Variants in DGKQ observed in about 807,000 individuals in gnomAD.
DGKQ encodes DAG kinase theta.
Under a neutral mutation model 104.2 loss-of-function variants are expected in DGKQ, and 97 were observed. The observed-to-expected ratio is 0.93, with a 90% CI of 0.79 to 1.10. DGKQ has a LOEUF of 1.10. DGKQ is among the 50% of genes least tolerant of loss of function. The pLI, the probability that DGKQ is intolerant of heterozygous loss-of-function variation, is 0.00. For missense variants in DGKQ, 1,465 were observed against 1,352.1 expected, an observed-to-expected ratio of 1.08 and a Z score of -1.31; for synonymous variants, 736 against 595.2, an observed-to-expected ratio of 1.24 and a Z score of -3.44.
Position 966,495 on chromosome 4 carries a change from G to A in DGKQ, c.1399C>T (p.Leu467=), listed in dbSNP as rs558515092. The A allele has an allele frequency of 2.5e-6, 4 of 1,612,620 alleles. No homozygotes were observed. Among genetic ancestry groups the A allele is most frequent in the African/African-American group, 1.3e-5 (1 of 75,070 alleles). The change falls in exon 12 of 23, where the codon CTG becomes TTG. Residue 467 remains leucine, a synonymous_variant. Transcript: ENST00000273814. ...QRTMLMDEQP[L]LDRLQDIRQM... ...CGGATGTCCTGTAGCCGGTCCAGCAGGGGCTGTTCGTCCATCAGCATCGTC... is the reference window on the plus strand; with the variant it reads ...CGGATGTCCTGTAGCCGGTCCAGCAAGGGCTGTTCGTCCATCAGCATCGTC...
chr4:971,179 AC>A lies in DGKQ; in HGVS notation c.272-108del. On this transcript the variant is annotated intron_variant, in intron 1 of 22. Coordinates refer to ENST00000273814, the MANE Select transcript of DGKQ (RefSeq NM_001347.4). This position sits in a 1 kb window ranked among gnomAD's most constrained non-coding sequence, Gnocchi z 4.0. ...ATGACTGCCATACCCACCATGCTGC[AC>A]CAGGGGCCCTGTGGTCCTCGAGTTC... 2.5e-6 allele frequency: 2 copies of A among 790,314 alleles called. No individual in the cohort carries two copies. Among genetic ancestry groups the A allele is most frequent in the Non-Finnish European group, 4.2e-6 (2 of 478,462 alleles). The allele number at this position is 790,314 out of a possible 1,614,324, so 49.0% of individuals were successfully genotyped here.
In DGKQ at chr4:968,886, G is replaced by A. The variant is rs930328399; in HGVS notation, c.376C>T (p.Pro126Ser). Residue 126 changes from proline (P) to serine (S), a missense_variant, in exon 3 of 23, where the codon CCC (proline) becomes TCC (serine). Pro to Ser is a moderately conservative substitution (Grantham distance 74). Transcript: ENST00000273814. Reference sequence around the variant, plus strand: ...AACTTGCGCTTGTGGAGCCCCCGGGGGCCGAAGCAGTGGGCTACAGGAACC... The same window carrying A: ...AACTTGCGCTTGTGGAGCCCCCGGGAGCCGAAGCAGTGGGCTACAGGAACC... ...VRVPVAHCFGPRGLHKRKFCA... is the reference protein window; with the variant it reads ...VRVPVAHCFGSRGLHKRKFCA... The A allele has an allele frequency of 6.2e-7, 1 of 1,600,844 alleles. No homozygotes were observed. The highest frequency in any genetic ancestry group is 8.5e-7 in the Non-Finnish European group (1 of 1,171,994).
intron 2 of DGKQ, among the ~76,000 whole-genome samples, chr4:969,270 C>A (rs1272553795): frequency 2.0e-5 from 3 of 152,250 alleles, no homozygotes; most frequent in Non-Finnish European, 4.4e-5. Flanking sequence ...GGAGCGAGGC[C>A]CGCCTGCCAC....
chr4:960,304 C>T lies in DGKQ; in HGVS notation c.*316G>A. The T allele has an allele frequency of 2.3e-6, 1 of 441,966 alleles. No homozygotes were observed. Among genetic ancestry groups the T allele is most frequent in the Non-Finnish European group, 4.2e-6 (1 of 239,708 alleles). 27.4% of individuals were successfully genotyped at this position (441,966 alleles called of 1,614,324 possible). On this transcript the variant is annotated 3_prime_UTR_variant, in exon 23 of 23. Transcript: ENST00000273814. ...CAGTGGGGAGAGGGATGGGTGCCCA[C>T]CCCTGAGGAGAGGACCAGGCCCCCA...
At chr4:968,132 C>T (rs558368667) in intron 5 of DGKQ, 105 bp from the exon 6 acceptor site, 24 of 820,892 alleles carry the variant, frequency 2.9e-5, no homozygotes, top group Admixed American at 1.3e-4. Context: ...CCACCTGGAC[C>T]CCGTGTCCTT....
intron 13 of DGKQ, 118 bp from the exon 14 acceptor site, chr4:965,647 G>C (rs1304003759): frequency 8.4e-7 from 1 of 1,185,104 alleles, no homozygotes; most frequent in African/African-American, 1.5e-5. Context: ...AGCCTCCCCA[G>C]GAAGTACCCC....
rs756067016 is a variant in DGKQ, at chr4:962,729, G to A, written c.2035+43C>T. ...CTCGGCAAAAGCTGCACAGGAAGGG[G>A]TAGACCCTGAGGCCCCCTCCTCGGC... On this transcript the variant is annotated intron_variant, in intron 17 of 22. Transcript: ENST00000273814. The A allele has an allele frequency of 3.1e-6, 5 of 1,597,710 alleles. No individual in the cohort carries two copies. In the African/African-American group the frequency reaches 6.7e-5, roughly 21 times the overall value.
At chr4:963,899 C>A (rs902408238) in intron 15 of DGKQ, among the ~76,000 whole-genome samples, 1 of 152,198 alleles carries the variant, frequency 6.6e-6, no homozygotes, top group South Asian at 2.1e-4. Flanking sequence ...AGGGACCCTA[C>A]GACAGGAGGC....
At chr4:973,179 G>T in intron 1 of DGKQ, 33 bp downstream of exon 1, 1 of 1,508,952 alleles carries the variant, frequency 6.6e-7, no homozygotes, top group Non-Finnish European at 8.8e-7. Flanking sequence ...AGGCAGGGCT[G>T]CAGCCGGGTA....
chr4:973,117 T>A, intron 1 of DGKQ, 95 bp downstream of exon 1: 3 of 1,311,846 alleles, frequency 2.3e-6, no homozygotes, highest in Non-Finnish European at 2.9e-6. Context: ...CGCCCTCCAC[T>A]CCCCCGAAAG....
Position 968,470 on chromosome 4 carries a change from T to C in DGKQ, c.537+9A>G, listed in dbSNP as rs1467518155. On this transcript the variant is annotated intron_variant, in intron 4 of 22. Transcript: ENST00000273814. ...ACCCCCCAGGGCTCCCTGGGGCCGGTACACTCACGTGATCCTGGTGCCCAT... is the reference window on the plus strand; with the variant it reads ...ACCCCCCAGGGCTCCCTGGGGCCGGCACACTCACGTGATCCTGGTGCCCAT... The C allele has an allele frequency of 2.5e-6, 4 of 1,601,470 alleles. No homozygotes were observed. Among genetic ancestry groups the C allele is most frequent in the African/African-American group, 2.7e-5 (2 of 74,334 alleles).
Position 968,366 on chromosome 4 carries a change from CGAGGGCA to C in DGKQ, c.572_578del (p.Leu191ArgfsTer108). On this transcript the variant is annotated frameshift_variant, in exon 5 of 23. Coordinates refer to ENST00000273814, the MANE Select transcript of DGKQ (RefSeq NM_001347.4). LOFTEE classifies it high-confidence loss of function. ...TCCTGCAGACCTCGCAGCGCGCTCC[CGAGGGCA>C]GGTTCCCCTCCCGCCAGTGGTGGTG... 6.4e-7 allele frequency: 1 copy of C among 1,557,548 alleles called. No homozygotes were observed. The highest frequency in any genetic ancestry group is 8.7e-7 in the Non-Finnish European group (1 of 1,153,072).
In DGKQ at chr4:973,404, G is replaced by C. The variant is rs1415581882; in HGVS notation, c.79C>G (p.Pro27Ala). Residue 27 changes from proline (P) to alanine (A), a missense_variant, in exon 1 of 23, where the codon CCC becomes GCC. Transcript: ENST00000273814. ...GCGCGGCCTCCTGAGCCCAGCACGG[G>C]GCTGCAGGCCGGGCTGCCGGGGCGC... Reference protein sequence around the residue: ...SPRPGSPACSPVLGSGGRARP... With the variant: ...SPRPGSPACSAVLGSGGRARP... The C allele has an allele frequency of 2.9e-6, 3 of 1,020,578 alleles. No homozygotes were observed. The highest frequency in any genetic ancestry group is 1.2e-4 in the Admixed American group (2 of 17,000). 63.2% of individuals were successfully genotyped at this position (1,020,578 alleles called of 1,614,324 possible). A position where few individuals can be genotyped will look rare whatever the true frequency, so the allele number is the denominator to read the frequency against.
chr4:968,110 C>A, intron 5 of DGKQ, 83 bp from the exon 6 acceptor site: 1 of 1,115,384 alleles, frequency 9.0e-7, no homozygotes, highest in Non-Finnish European at 1.2e-6. Flanking sequence ...AAAGACCCCA[C>A]ACGACGCAGA....
At chr4:962,114 G>A (rs1475673192) in intron 18 of DGKQ, 32 bp from the exon 19 acceptor site, 22 of 1,584,420 alleles carry the variant, frequency 1.4e-5, no homozygotes, top group East Asian at 4.5e-5. Flanking sequence ...CCCAGGACCC[G>A]GCCGCCCTCA....
In DGKQ at chr4:971,575, G is replaced by A. The variant is rs1307507427; in HGVS notation, c.272-503C>T. Among the ~76,000 whole-genome samples, 2 of 152,222 alleles carry A rather than the reference G, an allele frequency of 1.3e-5. No individual in the cohort carries two copies. The highest frequency in any genetic ancestry group is 2.9e-5 in the Non-Finnish European group (2 of 68,038). ...GGCAGGTGAGGGCTCTGGGAGGCAG[G>A]AGCCGCTGGGGAGTGGACAGCCCCA... On this transcript the variant is annotated intron_variant, in intron 1 of 22. Coordinates refer to ENST00000273814, the MANE Select transcript of DGKQ (RefSeq NM_001347.4). The surrounding 1 kb of genome is among the most constrained non-coding windows in gnomAD (Gnocchi z 4.0).
intron 16 of DGKQ, 25 bp from the exon 17 acceptor site, chr4:962,945 C>G: frequency 6.3e-7 from 1 of 1,595,678 alleles, no homozygotes; most frequent in Admixed American, 1.7e-5. Context: ...GAAGTGTCCT[C>G]TACCAGCTGC....
Position 967,274 on chromosome 4 carries a change from C to G in DGKQ, c.1075G>C (p.Ala359Pro). ...RLPPSSQACD[A>P]WAGGKAGSAV... Reference sequence around the variant, plus strand: ...CTCCCAGCCTTGCCCCCAGCCCAGGCGTCACAGGCCTGAGAGGAAGGGGGC... The same window carrying G: ...CTCCCAGCCTTGCCCCCAGCCCAGGGGTCACAGGCCTGAGAGGAAGGGGGC... The change falls in exon 9 of 23, where the codon GCC becomes CCC. Residue 359 changes from alanine (A) to proline (P), a missense_variant. Ala to Pro is a conservative substitution (Grantham distance 27). Transcript: ENST00000273814. 1 of 1,550,434 alleles carries G rather than the reference C, an allele frequency of 6.4e-7. No individual in the cohort carries two copies.
rs375201856 is a variant in DGKQ, at chr4:967,202, T to C, written c.1147A>G (p.Thr383Ala). The C allele has an allele frequency of 6.5e-5, 104 of 1,592,684 alleles. No individual in the cohort carries two copies. Among genetic ancestry groups the C allele is most frequent in the East Asian group, 2.7e-4 (12 of 44,170 alleles). ...GCCCGGATGACCCAGGCCTCTGGCG[T>C]GGCCTCGCCGGACCCGGGGCTTCTG... ...EGRSPGSGEA[T>A]PEAWVIRALP... is the part of the protein sequence containing the mutation. Residue 383 changes from threonine to alanine, a missense_variant, in exon 9 of 23, where the codon ACG becomes GCG. Coordinates refer to ENST00000273814, the MANE Select transcript of DGKQ (RefSeq NM_001347.4).
Sources: gnomAD v4.1 joint callset for allele counts (sites outside exome capture counted in the v4.1 genomes callset) on GRCh38, gnomAD v4.1.1 for gene constraint, Gnocchi (gnomAD v3.1) non-coding constraint, MANE v1.5 for transcripts, NCBI Gene and HGNC (gene_info 2026-07-23, HGNC 2026-07-21) for gene names.